CALN1: variants seen among roughly 807,000 people sequenced by gnomAD.
CALN1 encodes the protein calneuron 1.
CALN1 carries 17 observed loss-of-function variants against 30.6 expected under a neutral mutation model. The ratio of observed to expected loss-of-function variants is 0.56; its 90% CI spans 0.38 to 0.83. The LOEUF (loss-of-function observed/expected upper bound fraction) is 0.83, where lower values mean the gene tolerates loss of function less well. CALN1 is among the 40% of genes least tolerant of loss of function. The pLI is 0.00. For synonymous variants in CALN1, 156 were observed against 131.4 expected (o/e 1.19, Z -1.28); for missense variants, 291 against 354.9 (o/e 0.82, Z 1.45).
chr7:72,179,765 A>C (rs924941871), intron 3 of CALN1, among the ~76,000 whole-genome samples: 1 of 152,130 alleles, frequency 6.6e-6, no homozygotes, highest in African/African-American at 2.4e-5. Context: ...ATTTTAAAGC[A>C]CTTCTCAGAC....
At chr7:71,864,480 T>C (rs751892356) in intron 5 of CALN1, among the ~76,000 whole-genome samples, 21 of 152,166 alleles carry the variant, frequency 1.4e-4, no homozygotes, top group Non-Finnish European at 2.6e-4. Flanking sequence ...ACTTCCATCC[T>C]GGAGCCACGA....
chr7:71,997,189 C>A (rs970465977), intron 5 of CALN1, among the ~76,000 whole-genome samples: 7 of 151,676 alleles, frequency 4.6e-5, no homozygotes, highest in African/African-American at 1.5e-4. Context: ...ACTATGACTG[C>A]ACCACTGCTC....
rs1156720831 is a variant in CALN1, at chr7:71,793,758, C to T, written c.659-5856G>A. On this transcript the variant is annotated intron_variant, in intron 6 of 6. Coordinates refer to ENST00000395275, the MANE Select transcript of CALN1 (RefSeq NM_031468.4). Reference sequence around the variant, plus strand: ...GAGCACGGTGTTGTGTGCCTGTAATCCCCGCTACTCGGGAGGCTGATGCAG... The same window carrying T: ...GAGCACGGTGTTGTGTGCCTGTAATTCCCGCTACTCGGGAGGCTGATGCAG... 5.3e-5 allele frequency among the ~76,000 whole-genome samples: 8 copies of T among 152,038 alleles called. 1 individual carries two copies. The highest frequency in any genetic ancestry group is 5.2e-4 in the Admixed American group (8 of 15,260).
intron 3 of CALN1, among the ~76,000 whole-genome samples, chr7:72,267,885 T>C (rs957045707): frequency 4.6e-5 from 7 of 152,276 alleles, no homozygotes; most frequent in Admixed American, 4.6e-4. Flanking sequence ...TGTGCACTTG[T>C]AGCCTCAGCT....
intron 2 of CALN1, among the ~76,000 whole-genome samples, chr7:72,378,221 T>C (rs556089998): frequency 6.6e-6 from 1 of 152,246 alleles, no homozygotes; most frequent in South Asian, 2.1e-4. Flanking sequence ...CTAAAACAAA[T>C]ACTTACATTT....
rs145072013 is a variant in CALN1 at position 72,294,190 on chromosome 7, G to A, written c.120-15380C>T. ...AAAAACAACACTATCTCCACCTCCC[G>A]CCGCCTTGAATGGGTCACTTAAATT... On this transcript the variant is annotated intron_variant, in intron 2 of 6. Transcript: ENST00000395275. 6.3e-3 allele frequency among the ~76,000 whole-genome samples: 955 copies of A among 152,184 alleles called. 5 individuals are homozygous for A. Among genetic ancestry groups the A allele is most frequent in the Non-Finnish European group, 0.011 (726 of 68,010 alleles).
At chr7:72,288,592 C>G (rs1798260346) in intron 2 of CALN1, among the ~76,000 whole-genome samples, 2 of 152,322 alleles carry the variant, frequency 1.3e-5, no homozygotes, top group East Asian at 3.9e-4. Context: ...CACCATTAGT[C>G]TAGGAGTGTG....
rs564128212 is a variant in CALN1, at chr7:71,914,247, C to G, written c.502-103755G>C. 1.3e-4 allele frequency among the ~76,000 whole-genome samples: 20 copies of G among 152,296 alleles called. No homozygotes were observed. In the South Asian group the frequency reaches 3.7e-3, roughly 28 times the overall value. Reference sequence around the variant, plus strand: ...AGGCCCCAGTGTGTATTGTTCTCCACTGTGTGTCCACGTGTTCTCATCATT... The same window carrying G: ...AGGCCCCAGTGTGTATTGTTCTCCAGTGTGTGTCCACGTGTTCTCATCATT... On this transcript the variant is annotated intron_variant, in intron 5 of 6. Coordinates refer to ENST00000395275, the MANE Select transcript of CALN1 (RefSeq NM_031468.4).
At chr7:71,948,925 C>T (rs1257204516) in intron 5 of CALN1, among the ~76,000 whole-genome samples, 1 of 151,072 alleles carries the variant, frequency 6.6e-6, no homozygotes, top group East Asian at 2.0e-4. Flanking sequence ...TGCCTGTAGT[C>T]CCAGTTACTT....
In CALN1 at chr7:72,357,792, G is replaced by A. The variant is rs181774104; in HGVS notation, c.119+45459C>T. ...AGGAATTCTGAAGAAAATGGTCATG[G>A]GGTAAGAAACTTTTATTTTATATAT... On this transcript the variant is annotated intron_variant, in intron 2 of 6. Coordinates refer to ENST00000395275, the MANE Select transcript of CALN1 (RefSeq NM_031468.4). Among the ~76,000 whole-genome samples, 20 of 148,800 alleles carry A rather than the reference G, an allele frequency of 1.3e-4. 1 individual carries two copies. Among genetic ancestry groups the A allele is most frequent in the Admixed American group, 1.3e-3 (20 of 14,958 alleles).
intron 2 of CALN1, among the ~76,000 whole-genome samples, chr7:72,381,437 A>G (rs1804892563): frequency 6.6e-6 from 1 of 152,232 alleles, no homozygotes; most frequent in Non-Finnish European, 1.5e-5. Context: ...GAACCAACCC[A>G]AATGCCCATG....
intron 5 of CALN1, among the ~76,000 whole-genome samples, chr7:71,946,314 T>C (rs1796402223): frequency 6.6e-6 from 1 of 151,968 alleles, no homozygotes; most frequent in African/African-American, 2.4e-5. Context: ...ACAATAATAA[T>C]GGTAGCCTAA....
the CALN1 span, among the ~76,000 whole-genome samples, chr7:72,492,390 C>T: frequency 6.6e-6 from 1 of 152,364 alleles, no homozygotes; most frequent in Admixed American, 6.5e-5. Flanking sequence ...GCCAAAGATG[C>T]TTCCTCTAAA....
intron 6 of CALN1, among the ~76,000 whole-genome samples, chr7:71,801,017 T>C (rs1001766462): frequency 3.3e-5 from 5 of 152,084 alleles, no homozygotes; most frequent in Non-Finnish European, 7.4e-5. Context: ...CCTGTGTCCA[T>C]GTGTTCTCAT....
At chr7:71,915,154 T>C (rs1794623491) in intron 5 of CALN1, among the ~76,000 whole-genome samples, 1 of 152,174 alleles carries the variant, frequency 6.6e-6, no homozygotes, top group African/African-American at 2.4e-5. Context: ...TTTTGCAACC[T>C]GAATTCTCTA....
intron 2 of CALN1, among the ~76,000 whole-genome samples, chr7:72,352,871 A>T (rs887660226): frequency 6.6e-6 from 1 of 152,158 alleles, no homozygotes; most frequent in Non-Finnish European, 1.5e-5. Context: ...CTAGATTTGA[A>T]AATATGGCAA....
intron 2 of CALN1, among the ~76,000 whole-genome samples, chr7:72,401,048 G>A (rs1282672311): frequency 2.0e-5 from 3 of 152,184 alleles, no homozygotes; most frequent in Non-Finnish European, 2.9e-5. Context: ...TTTGGGGTGA[G>A]AGGAGGGCCC....
chr7:71,879,278 T>C (rs1375073961), intron 5 of CALN1, among the ~76,000 whole-genome samples: 2 of 152,228 alleles, frequency 1.3e-5, no homozygotes, highest in Non-Finnish European at 2.9e-5. Context: ...CTCTGTCCTC[T>C]GAGTAGGGAA....
intron 2 of CALN1, among the ~76,000 whole-genome samples, chr7:72,299,577 T>A (rs1799107698): frequency 6.6e-6 from 1 of 151,718 alleles, no homozygotes; most frequent in Non-Finnish European, 1.5e-5. Context: ...AAAGACTGTA[T>A]GATCAGACAA....
Sources: gnomAD v4.1 joint callset for allele counts (sites outside exome capture counted in the v4.1 genomes callset) on GRCh38, gnomAD v4.1.1 for gene constraint, MANE v1.5 for transcripts, NCBI Gene and HGNC (gene_info 2026-07-23, HGNC 2026-07-21) for gene names.